Variants in AMMECR1L observed in about 807,000 individuals in gnomAD.
The protein encoded by AMMECR1L is AMMECR1-like protein.
AMMECR1L carries 4 observed loss-of-function variants against 36.8 expected under a neutral mutation model. The ratio of observed to expected loss-of-function variants is 0.11; its 90% CI spans 0.05 to 0.25. The LOEUF is 0.25. AMMECR1L is among the 10% of genes least tolerant of loss of function. The probability of loss-of-function intolerance (pLI) is 1.00; values close to 1 mark genes in which losing one functional copy is unlikely to be tolerated. For missense variants in AMMECR1L, 232 were observed against 392.1 expected (o/e 0.59, Z 3.45); for synonymous variants, 147 against 148.0 (o/e 0.99, Z 0.05).
chr2:127,866,823 TCTC>T, intron 7 of AMMECR1L, 74 bp downstream of exon 7: 1 of 1,353,916 alleles, frequency 7.4e-7, no homozygotes, highest in South Asian at 1.2e-5. Context: ...GAACACTTCT[TCTC>T]CATCCCATCA....
Position 127,865,970 on chromosome 2 carries a change from A to T in AMMECR1L, c.822-765T>A, listed in dbSNP as rs1690667942. Among the ~76,000 whole-genome samples the T allele has an allele frequency of 6.6e-6, 1 of 152,216 alleles. No homozygotes were observed. The highest frequency in any genetic ancestry group is 6.5e-5 in the Admixed American group (1 of 15,280). On this transcript the variant is annotated intron_variant, in intron 7 of 7. Transcript: ENST00000272647. This position sits in a 1 kb window ranked among gnomAD's most constrained non-coding sequence, Gnocchi z 5.4. ...GCAAGGTGATTATTCCTGAATTTTG[A>T]CAGGGAAATGGCTGTTCAAATAAAT... is the stretch of plus-strand genomic sequence containing the variant.
In AMMECR1L at chr2:127,863,224, A is replaced by C. The variant is rs919188182; in HGVS notation, c.*1870T>G. 2.6e-5 allele frequency: 4 copies of C among 152,610 alleles called. No homozygotes were observed. The highest frequency in any genetic ancestry group is 6.5e-5 in the Admixed American group (1 of 15,274). 9.5% of individuals were successfully genotyped at this position (152,610 alleles called of 1,614,324 possible). On this transcript the variant is annotated 3_prime_UTR_variant, in exon 8 of 8. Transcript: ENST00000272647. ...AAGAGTAACCGTTGCCACGTTTTTA[A>C]CAAGACATTTATTCTCAGCAGCAGG...
At position 127,869,723 on chromosome 2, in the gene AMMECR1L, C is replaced by T. The variant is rs1690871641; in HGVS notation, c.634-179G>A. On this transcript the variant is annotated intron_variant, in intron 5 of 7. Transcript: ENST00000272647. The surrounding 1 kb of genome is among the most constrained non-coding windows in gnomAD (Gnocchi z 4.7). ...GGTATAGAGGCCAAAGAAAGTTCTG[C>T]TTTTAGGGAAGGGTCGAGAGTATGT... 6.6e-6 allele frequency among the ~76,000 whole-genome samples: 1 copy of T among 152,172 alleles called. No homozygotes were observed. Among genetic ancestry groups the T allele is most frequent in the Admixed American group, 6.5e-5 (1 of 15,278 alleles).
rs553198781 is a variant in AMMECR1L, at chr2:127,877,026, T to C, written c.-38-2754A>G. Among the ~76,000 whole-genome samples the C allele has an allele frequency of 3.1e-3, 321 of 103,136 alleles. 2 individuals are homozygous for C. The highest frequency in any genetic ancestry group is 0.016 in the African/African-American group (306 of 19,202). The allele number at this position is 103,136 out of a possible 152,430, so 67.7% of individuals were successfully genotyped here. A position where few individuals can be genotyped will look rare whatever the true frequency, so the allele number is the denominator to read the frequency against. On this transcript the variant is annotated intron_variant, in intron 2 of 7. Transcript: ENST00000272647. ...GAGCGAAACTCTGTCTCCAAATATA[T>C]ATATATATACATATATATATATATA...
chr2:127,882,558 A>T (rs1329389484), intron 2 of AMMECR1L, among the ~76,000 whole-genome samples: 5 of 152,170 alleles, frequency 3.3e-5, no homozygotes, highest in Non-Finnish European at 7.4e-5. Flanking sequence ...GGTGTGTGAA[A>T]ATTTTCCCCC....
intron 3 of AMMECR1L, among the ~76,000 whole-genome samples, chr2:127,872,829 G>A (rs1691050271): frequency 6.6e-6 from 1 of 152,154 alleles, no homozygotes; most frequent in African/African-American, 2.4e-5. Flanking sequence ...ACTCAGGCTT[G>A]GGATCTCCAC....
rs1690667073 is a variant in AMMECR1L at position 127,865,950 on chromosome 2, G to A, written c.822-745C>T. 6.6e-6 allele frequency among the ~76,000 whole-genome samples: 1 copy of A among 152,138 alleles called. No individual in the cohort carries two copies. Among genetic ancestry groups the A allele is most frequent in the Non-Finnish European group, 1.5e-5 (1 of 68,034 alleles). On this transcript the variant is annotated intron_variant, in intron 7 of 7. Transcript: ENST00000272647. The surrounding 1 kb of genome is among the most constrained non-coding windows in gnomAD (Gnocchi z 5.4). Reference sequence around the variant, plus strand: ...ACTGTAATCACTCCTCCACTGCAAGGTGATTATTCCTGAATTTTGACAGGG... The same window carrying A: ...ACTGTAATCACTCCTCCACTGCAAGATGATTATTCCTGAATTTTGACAGGG...
At chr2:127,883,653 G>C (rs1338918709) in intron 2 of AMMECR1L, among the ~76,000 whole-genome samples, 1 of 152,094 alleles carries the variant, frequency 6.6e-6, no homozygotes, top group African/African-American at 2.4e-5. Context: ...CAACTCAAGA[G>C]GGCACAGCAG....
chr2:127,865,334 T>TA lies in AMMECR1L; in HGVS notation c.822-130dup. On this transcript the variant is annotated intron_variant, in intron 7 of 7. Transcript: ENST00000272647. This position sits in a 1 kb window ranked among gnomAD's most constrained non-coding sequence, Gnocchi z 5.4. Reference sequence around the variant, plus strand: ...TAAAATGGAAGACCAAGAGCAATCTTACTTACAGAAAATGAAAGACAGCAC... The same window carrying TA: ...TAAAATGGAAGACCAAGAGCAATCTTAACTTACAGAAAATGAAAGACAGCAC... 1 of 549,586 alleles carries TA rather than the reference T, an allele frequency of 1.8e-6. No individual in the cohort carries two copies. The highest frequency in any genetic ancestry group is 3.2e-6 in the Non-Finnish European group (1 of 312,080). 34.0% of individuals were successfully genotyped at this position (549,586 alleles called of 1,614,324 possible).
At chr2:127,870,130 C>T (rs1408536754) in intron 5 of AMMECR1L, among the ~76,000 whole-genome samples, 1 of 152,180 alleles carries the variant, frequency 6.6e-6, no homozygotes, top group Non-Finnish European at 1.5e-5. Flanking sequence ...TCCTGGCTAA[C>T]ACGGTGAAAC....
chr2:127,879,159 C>T (rs1293373941), intron 2 of AMMECR1L, among the ~76,000 whole-genome samples: 1 of 152,170 alleles, frequency 6.6e-6, no homozygotes, highest in Non-Finnish European at 1.5e-5. Context: ...TAACTTGATA[C>T]AGTTTGCGTG....
intron 2 of AMMECR1L, among the ~76,000 whole-genome samples, chr2:127,881,983 T>C (rs1397442144): frequency 6.6e-6 from 1 of 152,212 alleles, no homozygotes; most frequent in Non-Finnish European, 1.5e-5. Flanking sequence ...TTTATTCCAC[T>C]AGAGTCCTCA....
rs1044401767 is a variant in AMMECR1L, at chr2:127,865,846, G to A, written c.822-641C>T. 2.6e-5 allele frequency among the ~76,000 whole-genome samples: 4 copies of A among 152,184 alleles called. No homozygotes were observed. Among genetic ancestry groups the A allele is most frequent in the African/African-American group, 9.7e-5 (4 of 41,438 alleles). On this transcript the variant is annotated intron_variant, in intron 7 of 7. Coordinates refer to ENST00000272647, the MANE Select transcript of AMMECR1L (RefSeq NM_001199140.2). The surrounding 1 kb of genome is among the most constrained non-coding windows in gnomAD (Gnocchi z 5.4). ...CCATGAGTCAGGATGCGAAGCATGG[G>A]GTGTTACAAACCTATGGAGCCTACT...
chr2:127,885,061 A>G (rs1411188218), intron 1 of AMMECR1L: 10 of 635,344 alleles, frequency 1.6e-5, no homozygotes, highest in Non-Finnish European at 1.9e-5. Context: ...TAGGAGGGCA[A>G]GGAGTGAAGG....
At chr2:127,867,081 G>A in intron 6 of AMMECR1L, 85 bp from the exon 7 acceptor site, 1 of 1,583,356 alleles carries the variant, frequency 6.3e-7, no homozygotes, top group Non-Finnish European at 8.6e-7. Flanking sequence ...GAAGAGAAAT[G>A]GGACTCGAGA....
intron 6 of AMMECR1L, among the ~76,000 whole-genome samples, chr2:127,868,341 A>T (rs1690793982): frequency 1.3e-5 from 2 of 152,226 alleles, no homozygotes; most frequent in South Asian, 4.1e-4. Context: ...AAAACATGGT[A>T]TGCCTCCTTG....
rs546809161 is a variant in AMMECR1L at position 127,869,251 on chromosome 2, T to A, written c.724+203A>T. Among the ~76,000 whole-genome samples the A allele has an allele frequency of 6.6e-6, 1 of 152,294 alleles. No individual in the cohort carries two copies. The highest frequency in any genetic ancestry group is 1.9e-4 in the East Asian group (1 of 5,178). ...AATATCAGGCGAGTAAGTGAACGAT[T>A]TACCCTTTTGCTTTTCCCAGCTCCT... On this transcript the variant is annotated intron_variant, in intron 6 of 7. Transcript: ENST00000272647. This position sits in a 1 kb window ranked among gnomAD's most constrained non-coding sequence, Gnocchi z 4.7.
At position 127,875,336 on chromosome 2, in the gene AMMECR1L, C is replaced by T. The variant is rs576413329; in HGVS notation, c.-38-1064G>A. On this transcript the variant is annotated intron_variant, in intron 2 of 7. Coordinates refer to ENST00000272647, the MANE Select transcript of AMMECR1L (RefSeq NM_001199140.2). The stretch of plus-strand genomic sequence containing the variant: ...CTAAGTACAGAAAACTAAGTTTTCT[C>T]TCAAGTCATTGTATGTTATTGTTTT... Among the ~76,000 whole-genome samples, 238 of 152,070 alleles carry T rather than the reference C, an allele frequency of 1.6e-3. 1 individual carries two copies. Among genetic ancestry groups the T allele is most frequent in the Middle Eastern group, 0.01 (3 of 294 alleles).
intron 2 of AMMECR1L, among the ~76,000 whole-genome samples, chr2:127,881,497 T>C (rs1418034984): frequency 1.3e-5 from 2 of 152,054 alleles, no homozygotes; most frequent in African/African-American, 2.4e-5. Flanking sequence ...ATTTTGAGGT[T>C]ACAATCTCAG....
Sources: gnomAD v4.1 joint callset for allele counts (sites outside exome capture counted in the v4.1 genomes callset) on GRCh38, gnomAD v4.1.1 for gene constraint, Gnocchi (gnomAD v3.1) non-coding constraint, MANE v1.5 for transcripts, NCBI Gene and HGNC (gene_info 2026-07-23, HGNC 2026-07-21) for gene names.